USP26: variants seen among roughly 807,000 people sequenced by gnomAD.
USP26 encodes ubiquitin carboxyl-terminal hydrolase 26.
For missense variants in USP26, 649 were observed against 642.3 expected, an observed-to-expected ratio of 1.01 and a Z score of -0.11; for synonymous variants, 236 against 240.6, an observed-to-expected ratio of 0.98 and a Z score of 0.18.
At chrX:133,048,737 G>A (rs191216434) in intron 5 of USP26, among the ~76,000 whole-genome samples, 5 of 111,185 alleles carry the variant, frequency 4.5e-5, no homozygotes, top group East Asian at 5.7e-4. Context: ...TAGTAAAGAC[G>A]GGGTTTCACC....
At chrX:133,088,391 C>T (rs2148538077) in intron 4 of USP26, among the ~76,000 whole-genome samples, 1 of 111,465 alleles carries the variant, frequency 9.0e-6, no homozygotes, top group South Asian at 3.9e-4. Context: ...CTTGCATGTG[C>T]AGTTTACAAT....
intron 5 of USP26, among the ~76,000 whole-genome samples, chrX:133,071,881 C>T (rs1397572968): frequency 1.8e-5 from 2 of 111,279 alleles, no homozygotes; most frequent in Non-Finnish European, 3.8e-5. Flanking sequence ...TCCATTGGAA[C>T]GCTCTAATTT....
chrX:133,084,315 CA>C (rs761614363), intron 4 of USP26, among the ~76,000 whole-genome samples: 1 of 111,184 alleles, frequency 9.0e-6, no homozygotes, highest in Non-Finnish European at 1.9e-5. Context: ...CCTCCCACCT[CA>C]GCCTCCCAAG....
At chrX:133,074,775 C>A (rs753195635) in intron 5 of USP26, among the ~76,000 whole-genome samples, 5 of 112,147 alleles carry the variant, frequency 4.5e-5, no homozygotes, top group African/African-American at 1.6e-4. Context: ...AGATTTATAG[C>A]CTGAATGTAG....
chrX:133,058,053 AT>A (rs375953836), intron 5 of USP26, among the ~76,000 whole-genome samples: 1 of 97,903 alleles, frequency 1.0e-5, no homozygotes. Context: ...AATTTTTTGT[AT>A]TTTTTTTCAG....
rs765992198 is a variant in USP26, at chrX:133,042,316, T to C, written c.-76-14020A>G. Among the ~76,000 whole-genome samples, 7 of 111,554 alleles carry C rather than the reference T, an allele frequency of 6.3e-5. No homozygotes were observed. The East Asian group carries it at 2.0e-3, about 32-fold the overall frequency. ...CCCAAACAGCCACCCAGTTTGTGCTTGAGACCCAGGGCCCTGGTGGTGTAG... is the reference window on the plus strand; with the variant it reads ...CCCAAACAGCCACCCAGTTTGTGCTCGAGACCCAGGGCCCTGGTGGTGTAG... On this transcript the variant is annotated intron_variant, in intron 5 of 5. Transcript: ENST00000511190.
At chrX:133,040,269 G>T (rs1384760843) in intron 5 of USP26, among the ~76,000 whole-genome samples, 1 of 111,844 alleles carries the variant, frequency 8.9e-6, no homozygotes, top group Admixed American at 9.5e-5. Context: ...ATTAGTTGAT[G>T]CAGTTTCTTC....
intron 4 of USP26, among the ~76,000 whole-genome samples, chrX:133,086,846 G>A (rs1287480788): frequency 1.1e-4 from 11 of 101,373 alleles, no homozygotes; most frequent in African/African-American, 3.6e-4. Context: ...TCTGGGAGGC[G>A]GAGTTTGCAG....
chrX:133,063,100 G>A (rs752583730), intron 5 of USP26, among the ~76,000 whole-genome samples: 2 of 110,908 alleles, frequency 1.8e-5, no homozygotes, highest in Non-Finnish European at 3.8e-5. Context: ...ATCAACAGCC[G>A]AATCGATCAA....
intron 4 of USP26, among the ~76,000 whole-genome samples, chrX:133,089,536 G>A (rs767307429): frequency 9.0e-6 from 1 of 111,570 alleles, no homozygotes; most frequent in African/African-American, 3.3e-5. Flanking sequence ...CAGATTACAG[G>A]GTTGTGGTTT....
chrX:133,026,620 T>A lies in USP26; in HGVS notation c.1601A>T (p.Lys534Met). 8.3e-7 allele frequency: 1 copy of A among 1,208,050 alleles called. No individual in the cohort carries two copies. The highest frequency in any genetic ancestry group is 1.1e-6 in the Non-Finnish European group (1 of 893,698). ...GGAAATGATGACTTCCTGGTCATTCTTCTTTAATGCACAAAACTCATTCAA... is the reference window on the plus strand; with the variant it reads ...GGAAATGATGACTTCCTGGTCATTCATCTTTAATGCACAAAACTCATTCAA... ...YSLNEFCALK[K>M]NDQEVIISKY... Residue 534 changes from lysine (K) to methionine (M), a missense_variant, in exon 6 of 6, where the codon AAG becomes ATG. Transcript: ENST00000511190.
chrX:133,044,985 AC>A (rs57050239), intron 5 of USP26, among the ~76,000 whole-genome samples: 39,244 of 110,186 alleles, frequency 0.36, 6,331 homozygotes, highest in Non-Finnish European at 0.5. Flanking sequence ...GACTTGGAGA[AC>A]CTTTTTGTCT....
At chrX:133,059,413 A>T (rs922386055) in intron 5 of USP26, among the ~76,000 whole-genome samples, 1 of 111,353 alleles carries the variant, frequency 9.0e-6, no homozygotes, top group Non-Finnish European at 1.9e-5. Context: ...CTTATCTCAC[A>T]TTTATACACT....
At chrX:133,087,079 T>C (rs187293809) in intron 4 of USP26, among the ~76,000 whole-genome samples, 209 of 111,297 alleles carry the variant, frequency 1.9e-3, no homozygotes, top group African/African-American at 6.0e-3. Context: ...CAGTGTTTAA[T>C]AGTAAAAGTG....
intron 5 of USP26, among the ~76,000 whole-genome samples, chrX:133,036,292 A>G (rs931271403): frequency 9.1e-6 from 1 of 110,125 alleles, no homozygotes; most frequent in Non-Finnish European, 1.9e-5. Context: ...CTCCATATGC[A>G]TTAGGTATTT....
chrX:133,090,768 A>G lies in USP26; in HGVS notation c.-301-5T>C, dbSNP rs777933504. On this transcript the variant is annotated splice_polypyrimidine_tract_variant and splice_region_variant and intron_variant, in intron 2 of 5. Coordinates refer to ENST00000511190, the MANE Select transcript of USP26 (RefSeq NM_031907.3). ...ATATAGAACAGAGACTATGACCTGGACAGGCACAAGAGAGAGCATTTATTA... is the reference window on the plus strand; with the variant it reads ...ATATAGAACAGAGACTATGACCTGGGCAGGCACAAGAGAGAGCATTTATTA... 6 of 112,363 alleles carry G rather than the reference A, an allele frequency of 5.3e-5. No homozygotes were observed. The highest frequency in any genetic ancestry group is 1.9e-4 in the African/African-American group (6 of 30,997). The allele number at this position is 112,363 out of a possible 1,213,427, so 9.3% of individuals were successfully genotyped here. A position where few individuals can be genotyped will look rare whatever the true frequency, so the allele number is the denominator to read the frequency against.
intron 5 of USP26, among the ~76,000 whole-genome samples, chrX:133,030,048 G>A (rs1366996300): frequency 8.9e-6 from 1 of 111,897 alleles, no homozygotes; most frequent in African/African-American, 3.2e-5. Flanking sequence ...AGACTCCATT[G>A]AAGAGCACTA....
intron 5 of USP26, among the ~76,000 whole-genome samples, chrX:133,029,903 T>A (rs145405436): frequency 8.9e-6 from 1 of 112,005 alleles, no homozygotes; most frequent in African/African-American, 3.2e-5. Flanking sequence ...TTAAGAACCA[T>A]CTTGCTGATG....
chrX:133,063,205 G>C (rs2067499323), intron 5 of USP26, among the ~76,000 whole-genome samples: 1 of 111,273 alleles, frequency 9.0e-6, no homozygotes, highest in African/African-American at 3.3e-5. Context: ...AATGAACAAA[G>C]CCTCCAAGAA....
Sources: allele counts gnomAD v4.1 joint callset (sites outside exome capture counted in the v4.1 genomes callset), GRCh38; gene constraint gnomAD v4.1.1; transcripts MANE v1.5; gene names NCBI Gene and HGNC (gene_info 2026-07-23, HGNC 2026-07-21).